The following ABCG2 variants were observed in gnomAD, a reference collection of about 807,000 sequenced individuals.
ABCG2 encodes ATP binding cassette subfamily G member 2 (JR blood group), also known as broad substrate specificity ATP-binding cassette transporter ABCG2.
Under a neutral mutation model 73.5 loss-of-function variants are expected in ABCG2, and 80 were observed. The observed-to-expected ratio is 1.09, with a 90% CI of 0.91 to 1.31. ABCG2 has a LOEUF of 1.31. Ranked by LOEUF, ABCG2 falls within the 50% of genes most tolerant of loss-of-function variation. The pLI is 0.00. For synonymous variants in ABCG2, 269 were observed against 282.4 expected (o/e 0.95, Z 0.48); for missense variants, 796 against 786.2 (o/e 1.01, Z -0.15).
chr4:88,117,693 C>A (rs984817303), intron 7 of ABCG2, among the ~76,000 whole-genome samples: 22 of 152,070 alleles, frequency 1.4e-4, no homozygotes, highest in Non-Finnish European at 2.6e-4. Flanking sequence ...TCAAGGCAGA[C>A]CAACATGTGC....
chr4:88,188,779 C>T (rs1728567468), intron 1 of ABCG2, among the ~76,000 whole-genome samples: 1 of 151,920 alleles, frequency 6.6e-6, no homozygotes, highest in African/African-American at 2.4e-5. Context: ...TTTGGAAGGC[C>T]AAGGCAGGCA....
chr4:88,125,069 G>A (rs978466174), intron 5 of ABCG2, among the ~76,000 whole-genome samples: 1 of 151,970 alleles, frequency 6.6e-6, no homozygotes, highest in Non-Finnish European at 1.5e-5. Flanking sequence ...GAGGCAGGTG[G>A]ATCTTGAAGT....
At chr4:88,103,267 T>C (rs1363776473) in intron 10 of ABCG2, among the ~76,000 whole-genome samples, 2 of 152,222 alleles carry the variant, frequency 1.3e-5, no homozygotes, top group East Asian at 3.8e-4. Flanking sequence ...TACAGTAATG[T>C]CCATAATGAT....
At chr4:88,099,945 AAAAAAG>A (rs1722278519) in intron 11 of ABCG2, among the ~76,000 whole-genome samples, 3 of 152,076 alleles carry the variant, frequency 2.0e-5, no homozygotes, top group African/African-American at 7.2e-5. Context: ...TCCCAAGTTA[AAAAAAG>A]AAAAAGACTT....
At chr4:88,149,328 A>G (rs1214259481) in intron 1 of ABCG2, among the ~76,000 whole-genome samples, 1 of 152,258 alleles carries the variant, frequency 6.6e-6, no homozygotes, top group Non-Finnish European at 1.5e-5. Context: ...ATGAAATTAG[A>G]CCAAGTGCAA....
chr4:88,177,591 C>T (rs1728057436), intron 1 of ABCG2, among the ~76,000 whole-genome samples: 1 of 152,162 alleles, frequency 6.6e-6, no homozygotes, highest in South Asian at 2.1e-4. Context: ...CCCCAAAAAG[C>T]ACCTTCACAA....
At chr4:88,103,425 ATTTTTTATTTTGATT>A (rs1296216875) in intron 10 of ABCG2, among the ~76,000 whole-genome samples, 1 of 152,108 alleles carries the variant, frequency 6.6e-6, no homozygotes, top group Non-Finnish European at 1.5e-5. Context: ...TGGTCTGAAT[ATTTTTTATTTTGATT>A]TTTTAAATTA....
At chr4:88,178,819 A>G (rs1053110329) in intron 1 of ABCG2, among the ~76,000 whole-genome samples, 93 of 151,986 alleles carry the variant, frequency 6.1e-4, no homozygotes, top group Non-Finnish European at 2.4e-4. Flanking sequence ...TGCTTGTGGA[A>G]ATGAGAGGGA....
At chr4:88,197,767 C>T (rs947543258) in intron 1 of ABCG2, among the ~76,000 whole-genome samples, 2 of 151,820 alleles carry the variant, frequency 1.3e-5, no homozygotes, top group Admixed American at 6.6e-5. Context: ...TACATTACCG[C>T]ACTCCAGCCT....
chr4:88,156,738 T>C (rs914042483), intron 1 of ABCG2, among the ~76,000 whole-genome samples: 1 of 152,086 alleles, frequency 6.6e-6, no homozygotes, highest in African/African-American at 2.4e-5. Flanking sequence ...TAAGGAAAAA[T>C]GGCAGTGCAG....
intron 1 of ABCG2, among the ~76,000 whole-genome samples, chr4:88,174,582 G>A (rs1456347988): frequency 1.3e-5 from 2 of 152,116 alleles, no homozygotes; most frequent in East Asian, 3.9e-4. Flanking sequence ...GAGACAGACA[G>A]GGTTTCTCCA....
At chr4:88,153,871 T>C (rs1439904803) in intron 1 of ABCG2, among the ~76,000 whole-genome samples, 1 of 151,948 alleles carries the variant, frequency 6.6e-6, no homozygotes, top group Non-Finnish European at 1.5e-5. Flanking sequence ...CATGAGAAAT[T>C]CCTGAGGAGT....
intron 1 of ABCG2, among the ~76,000 whole-genome samples, chr4:88,218,548 G>A (rs986958669): frequency 6.6e-6 from 1 of 152,104 alleles, no homozygotes; most frequent in South Asian, 2.1e-4. Flanking sequence ...ACCCATCACC[G>A]AAGCAGTACA....
intron 2 of ABCG2, among the ~76,000 whole-genome samples, chr4:88,133,571 G>A (rs1284651889): frequency 6.6e-6 from 1 of 152,220 alleles, no homozygotes; most frequent in African/African-American, 2.4e-5. Context: ...TCTGAGGGTA[G>A]TGAATATTCA....
rs772926968 is a variant in ABCG2, at chr4:88,166,941, C to T, written c.-19-26927G>A. Among the ~76,000 whole-genome samples, 7 of 152,100 alleles carry T rather than the reference C, an allele frequency of 4.6e-5. No homozygotes were observed. The East Asian group carries it at 7.7e-4, about 17-fold the overall frequency. ...CATTCCAGGTTTTGATAAGGTCCCA[C>T]GGTTTGAACACGAGAGTGAGGTTAT... On this transcript the variant is annotated intron_variant, in intron 1 of 15. Coordinates refer to the ABCG2 transcript ENST00000515655.
chr4:88,116,472 A>G (rs373285359), intron 7 of ABCG2, among the ~76,000 whole-genome samples: 1 of 152,152 alleles, frequency 6.6e-6, no homozygotes, highest in Non-Finnish European at 1.5e-5. Flanking sequence ...ATTTGTAATC[A>G]TATCCAAATA....
intron 1 of ABCG2, among the ~76,000 whole-genome samples, chr4:88,177,218 A>C (rs970513907): frequency 1.1e-5 from 1 of 91,992 alleles, no homozygotes; most frequent in African/African-American, 7.3e-5. Context: ...TAAAAATACA[A>C]AAAAAAATTA....
intron 5 of ABCG2, among the ~76,000 whole-genome samples, chr4:88,122,379 G>A (rs987159126): frequency 3.9e-5 from 6 of 152,154 alleles, no homozygotes; most frequent in Admixed American, 6.5e-5. Flanking sequence ...CTAGCTCAGC[G>A]GATCCCAGCC....
At chr4:88,173,779 A>T (rs917981441) in intron 1 of ABCG2, among the ~76,000 whole-genome samples, 1 of 152,184 alleles carries the variant, frequency 6.6e-6, no homozygotes, top group Non-Finnish European at 1.5e-5. Flanking sequence ...TGGGAAGATC[A>T]CTTGAGCCCA....
Sources: gnomAD v4.1 joint callset for allele counts (sites outside exome capture counted in the v4.1 genomes callset) on GRCh38, gnomAD v4.1.1 for gene constraint, MANE v1.5 for transcripts, NCBI Gene and HGNC (gene_info 2026-07-23, HGNC 2026-07-21) for gene names.